The following TPCN2 variants were observed in gnomAD, a reference collection of about 807,000 sequenced individuals.
TPCN2 encodes the protein two pore channel protein 2.
TPCN2 carries 92 observed loss-of-function variants against 111.4 expected under a neutral mutation model. The observed-to-expected ratio is 0.83, with a 90% CI of 0.70 to 0.98. The LOEUF is 0.98. Ranked by LOEUF, TPCN2 falls within the 50% of genes least tolerant of loss-of-function variation. The pLI is 0.00. For synonymous variants in TPCN2, 405 were observed against 414.5 expected (o/e 0.98, Z 0.28); for missense variants, 995 against 980.1 (o/e 1.02, Z -0.20).
chr11:69,089,469 T>C lies in TPCN2; in HGVS notation c.*1516T>C, dbSNP rs1444644332. The C allele has an allele frequency of 6.6e-6, 1 of 152,244 alleles. No individual in the cohort carries two copies. The highest frequency in any genetic ancestry group is 2.4e-5 in the African/African-American group (1 of 41,466). 9.4% of individuals were successfully genotyped at this position (152,244 alleles called of 1,614,324 possible). A position where few individuals can be genotyped will look rare whatever the true frequency, so the allele number is the denominator to read the frequency against. On this transcript the variant is annotated 3_prime_UTR_variant, in exon 25 of 25. Transcript: ENST00000294309. ...AATCCGCCTGGACGGTGGCTCCGTC[T>C]CCCTGGGCTTAGACGACCTTGGCAC...
intron 16 of TPCN2, chr11:69,079,456 G>A: frequency 3.5e-6 from 1 of 289,060 alleles, no homozygotes; most frequent in South Asian, 6.4e-5. Context: ...TGGGAGTGAG[G>A]GCATGCCACA....
At chr11:69,066,987 C>G (rs1228987631) in intron 7 of TPCN2, among the ~76,000 whole-genome samples, 11 of 152,204 alleles carry the variant, frequency 7.2e-5, no homozygotes, top group Non-Finnish European at 1.5e-5. Context: ...TTACCAATGG[C>G]TGTGATTCGC....
rs182973473 is a variant in TPCN2 at position 69,062,896 on chromosome 11, C to T, written c.559C>T (p.Arg187Cys). 17 of 1,613,930 alleles carry T rather than the reference C, an allele frequency of 1.1e-5. No homozygotes were observed. Among genetic ancestry groups the T allele is most frequent in the African/African-American group, 8.0e-5 (6 of 75,042 alleles). The stretch of plus-strand genomic sequence containing the variant: ...GGGTCTCTTCCAGCCCCTGCGGATC[C>T]GCCGGCTTCTCCGTCCCTTCTTCCT... ...SLVCHEPLRI[R>C]RLLRPFFLLQ... The change falls in exon 6 of 25, where the codon CGC (arginine) becomes TGC (cysteine). Residue 187 changes from arginine to cysteine, a missense_variant. Physicochemically the swap from Arg to Cys is radical, Grantham distance 180. Coordinates refer to ENST00000294309, the MANE Select transcript of TPCN2 (RefSeq NM_139075.4).
chr11:69,064,063 A>T, intron 7 of TPCN2, 96 bp downstream of exon 7: 1 of 1,213,222 alleles, frequency 8.2e-7, no homozygotes, highest in Non-Finnish European at 1.2e-6. Flanking sequence ...GGCCTAACCC[A>T]TGTGCGGACT....
At chr11:69,065,190 G>T (rs1855217840) in intron 7 of TPCN2, among the ~76,000 whole-genome samples, 1 of 152,156 alleles carries the variant, frequency 6.6e-6, no homozygotes, top group Admixed American at 6.5e-5. Context: ...GGGTGGTGGG[G>T]GCAGCTGGGT....
chr11:69,056,418 A>G (rs1221026248), intron 4 of TPCN2, among the ~76,000 whole-genome samples: 1 of 152,226 alleles, frequency 6.6e-6, no homozygotes, highest in African/African-American at 2.4e-5. Context: ...CTGGAACTGA[A>G]ACTGGCAAGA....
intron 7 of TPCN2, among the ~76,000 whole-genome samples, chr11:69,065,130 A>G (rs972598009): frequency 7.9e-5 from 12 of 151,510 alleles, no homozygotes; most frequent in Admixed American, 1.3e-4. Flanking sequence ...GTGCGTGTGC[A>G]TGTGTGTGCG....
At chr11:69,057,502 C>G in intron 4 of TPCN2, 76 bp from the exon 5 acceptor site, 1 of 1,383,408 alleles carries the variant, frequency 7.2e-7, no homozygotes, top group Non-Finnish European at 1.0e-6. Flanking sequence ...GGTCCCTGCG[C>G]TGCGCACCGT....
chr11:69,062,279 C>G (rs548167993), intron 5 of TPCN2, among the ~76,000 whole-genome samples: 1 of 152,266 alleles, frequency 6.6e-6, no homozygotes, highest in Admixed American at 6.5e-5. Flanking sequence ...GATCCCGCTT[C>G]CAACACGGGG....
rs1854838767 is a variant in TPCN2 at position 69,057,760 on chromosome 11, G to C, written c.546+66G>C. On this transcript the variant is annotated intron_variant, in intron 5 of 24. Coordinates refer to ENST00000294309, the MANE Select transcript of TPCN2 (RefSeq NM_139075.4). ...GGGCTGGTGTGGGTGCAAGGCCCAC[G>C]GGGGTGCTGGGATGGAGCCCTGAGC... 8 of 1,456,802 alleles carry C rather than the reference G, an allele frequency of 5.5e-6. 1 individual carries two copies. 90.2% of individuals were successfully genotyped at this position (1,456,802 alleles called of 1,614,324 possible).
chr11:69,079,824 G>C lies in TPCN2; in HGVS notation c.1540-10G>C, dbSNP rs774881163. On this transcript the variant is annotated splice_polypyrimidine_tract_variant and intron_variant, in intron 16 of 24. Coordinates refer to ENST00000294309, the MANE Select transcript of TPCN2 (RefSeq NM_139075.4). ...CTGTAGCGAAGCCTTCTTTTCTTTT[G>C]TAATTAAAGGTTTTGGAGATCTCAA... is the stretch of plus-strand genomic sequence containing the variant. 1.1e-5 allele frequency: 17 copies of C among 1,613,062 alleles called. No homozygotes were observed. The Admixed American group carries it at 2.3e-4, about 22-fold the overall frequency.
At chr11:69,051,028 A>G (rs7102400) in intron 1 of TPCN2, among the ~76,000 whole-genome samples, 130,565 of 152,278 alleles carry the variant, frequency 0.86, 57,895 homozygotes, top group Non-Finnish European at 0.99. Context: ...CTATGGAGCC[A>G]TGGAGACTCC....
chr11:69,067,653 C>G, intron 8 of TPCN2, 48 bp downstream of exon 8: 1 of 1,584,746 alleles, frequency 6.3e-7, no homozygotes, highest in Middle Eastern at 1.7e-4. Context: ...GAGCCCAGCA[C>G]TGGGGGGCCG....
intron 19 of TPCN2, among the ~76,000 whole-genome samples, chr11:69,084,465 G>A (rs1258772532): frequency 6.6e-6 from 1 of 152,234 alleles, no homozygotes; most frequent in African/African-American, 2.4e-5. Flanking sequence ...TTTGCTGAGC[G>A]AGAACTGTGG....
chr11:69,086,016 C>T (rs931561468), intron 22 of TPCN2, 86 bp downstream of exon 22: 29 of 1,346,116 alleles, frequency 2.2e-5, no homozygotes, highest in African/African-American at 8.7e-5. Flanking sequence ...CTGCACTGGA[C>T]GCCCGGAGCG....
At chr11:69,076,442 G>T (rs1230967034) in intron 13 of TPCN2, among the ~76,000 whole-genome samples, 2 of 152,070 alleles carry the variant, frequency 1.3e-5, no homozygotes, top group Non-Finnish European at 2.9e-5. Flanking sequence ...GTGGCTGTAG[G>T]TCCCCTGGGG....
At position 69,049,043 on chromosome 11, in the gene TPCN2, C is replaced by CGCGGCGGTG; in HGVS notation, c.53_61dup (p.Gly18_Gly20dup). 8.0e-7 allele frequency: 1 copy of CGCGGCGGTG among 1,242,284 alleles called. No homozygotes were observed. Among genetic ancestry groups the CGCGGCGGTG allele is most frequent in the Non-Finnish European group, 1.0e-6 (1 of 988,674 alleles). 77.0% of individuals were successfully genotyped at this position (1,242,284 alleles called of 1,614,324 possible). A position where few individuals can be genotyped will look rare whatever the true frequency, so the allele number is the denominator to read the frequency against. On this transcript the variant is annotated inframe_insertion, in exon 1 of 25. Coordinates refer to ENST00000294309, the MANE Select transcript of TPCN2 (RefSeq NM_139075.4). Reference sequence around the variant, plus strand: ...GTCGGAGCCCCTGCTGGGCGGGGCCCGCGGCGGTGGCGGCGACTGGCCGGC... The same window carrying CGCGGCGGTG: ...GTCGGAGCCCCTGCTGGGCGGGGCCCGCGGCGGTGGCGGCGGTGGCGGCGACTGGCCGGC...
rs192514269 is a variant in TPCN2, at chr11:69,085,244, A to G, written c.1796A>G (p.Asn599Ser). Reference protein sequence around the residue: ...VYYVFAIIGINLFRGVIVALP... With the variant: ...VYYVFAIIGISLFRGVIVALP... ...TACGTATTTGCCATCATTGGGATCA[A>G]CTTGTTTAGAGGCGTCATTGTGGCT... The change falls in exon 20 of 25, where the codon AAC (asparagine) becomes AGC (serine). Residue 599 changes from asparagine to serine, a missense_variant. Coordinates refer to ENST00000294309, the MANE Select transcript of TPCN2 (RefSeq NM_139075.4). The G allele has an allele frequency of 5.6e-6, 9 of 1,608,322 alleles. No homozygotes were observed. Among genetic ancestry groups the G allele is most frequent in the Admixed American group, 1.7e-5 (1 of 59,842 alleles).
intron 9 of TPCN2, among the ~76,000 whole-genome samples, chr11:69,071,001 A>G (rs1590730828): frequency 1.2e-5 from 1 of 80,598 alleles, no homozygotes; most frequent in South Asian, 4.3e-4. Context: ...ATCCCCCACC[A>G]ACAGCTTCAC....
Sources: gnomAD v4.1 joint callset for allele counts (sites outside exome capture counted in the v4.1 genomes callset) on GRCh38, gnomAD v4.1.1 for gene constraint, MANE v1.5 for transcripts, NCBI Gene and HGNC (gene_info 2026-07-23, HGNC 2026-07-21) for gene names.